FAT3: variants seen among roughly 807,000 people sequenced by gnomAD.
The protein encoded by FAT3 is FAT atypical cadherin 3, also known as protocadherin Fat 3.
FAT3 carries 95 observed loss-of-function variants against 310.2 expected under a neutral mutation model. That is an observed-to-expected ratio of 0.31 (90% CI 0.26 to 0.36). FAT3 has a LOEUF of 0.36. Among genes scored for constraint, FAT3 ranks in the 10% least tolerant of loss-of-function variants. The pLI is 1.00. For synonymous variants in FAT3, 2,314 were observed against 2,192.9 expected (o/e 1.06, Z -1.54); for missense variants, 5,408 against 5,715.6 (o/e 0.95, Z 1.74).
At chr11:92,728,242 T>G (rs937995285) in intron 4 of FAT3, among the ~76,000 whole-genome samples, 1 of 152,214 alleles carries the variant, frequency 6.6e-6, no homozygotes, top group African/African-American at 2.4e-5. Context: ...TTCTGTTTTT[T>G]GTTTGTTTGT....
intron 2 of FAT3, among the ~76,000 whole-genome samples, chr11:92,394,657 CTT>C (rs780947944): frequency 6.0e-5 from 9 of 151,186 alleles, no homozygotes; most frequent in Non-Finnish European, 1.3e-4. Flanking sequence ...AAAAAAAAAA[CTT>C]TATCAAAAAA....
intron 2 of FAT3, among the ~76,000 whole-genome samples, chr11:92,365,163 G>A (rs1312519122): frequency 1.3e-5 from 2 of 152,142 alleles, no homozygotes; most frequent in African/African-American, 4.8e-5. Context: ...CCAGCTACAT[G>A]GGAGGCTGAG....
At chr11:92,483,780 A>G (rs1952300059) in intron 2 of FAT3, among the ~76,000 whole-genome samples, 1 of 152,186 alleles carries the variant, frequency 6.6e-6, no homozygotes, top group Admixed American at 6.5e-5. Context: ...ATCATTGCAT[A>G]GTATCTGGCA....
At chr11:92,636,319 T>C (rs1941767305) in intron 3 of FAT3, among the ~76,000 whole-genome samples, 2 of 152,152 alleles carry the variant, frequency 1.3e-5, no homozygotes, top group African/African-American at 2.4e-5. Context: ...TGATATGTGA[T>C]TGGGCAGGAA....
intron 2 of FAT3, among the ~76,000 whole-genome samples, chr11:92,422,482 C>G (rs1050617589): frequency 1.3e-5 from 2 of 152,132 alleles, no homozygotes; most frequent in Non-Finnish European, 2.9e-5. Flanking sequence ...TTTTCAGTAA[C>G]TGACAGCATC....
intron 23 of FAT3, 23 bp from the exon 24 acceptor site, chr11:92,882,715 G>C (rs2136407258): frequency 6.3e-7 from 1 of 1,575,772 alleles, no homozygotes; most frequent in Non-Finnish European, 8.6e-7. Context: ...TGACGGTGGG[G>C]AGGGGCTTCT....
chr11:92,280,169 G>T (rs1946385357), intron 1 of FAT3, among the ~76,000 whole-genome samples: 1 of 152,128 alleles, frequency 6.6e-6, no homozygotes, highest in Non-Finnish European at 1.5e-5. Context: ...TTAGTGACTT[G>T]CTCAAGAACG....
chr11:92,419,248 G>T (rs1210320357), intron 2 of FAT3, among the ~76,000 whole-genome samples: 1 of 152,152 alleles, frequency 6.6e-6, no homozygotes, highest in African/African-American at 2.4e-5. Context: ...AAAGCTGAAT[G>T]TTTGTGTTGC....
At chr11:92,500,967 TAAAG>T (rs1030670475) in intron 2 of FAT3, among the ~76,000 whole-genome samples, 5 of 152,068 alleles carry the variant, frequency 3.3e-5, no homozygotes, top group African/African-American at 1.2e-4. Flanking sequence ...TTAAATCTGT[TAAAG>T]AAATTTATCA....
At chr11:92,513,964 T>C (rs1953392276) in intron 2 of FAT3, among the ~76,000 whole-genome samples, 1 of 152,182 alleles carries the variant, frequency 6.6e-6, no homozygotes, top group African/African-American at 2.4e-5. Context: ...ATGTGGCATA[T>C]GGGGATATGG....
chr11:92,352,879 T>C lies in FAT3; in HGVS notation c.767T>C (p.Ile256Thr), dbSNP rs1444667403. The C allele has an allele frequency of 1.2e-5, 19 of 1,613,868 alleles. No individual in the cohort carries two copies. The highest frequency in any genetic ancestry group is 1.5e-5 in the Non-Finnish European group (18 of 1,179,858). ...VSSTAKLYVH[I>T]ERINEHAPTI... ...AGTACTGCAAAGCTTTATGTTCACA[T>C]TGAGCGCATAAATGAACATGCCCCA... is the stretch of plus-strand genomic sequence containing the variant. The change falls in exon 2 of 28, where the codon ATT becomes ACT. Residue 256 changes from isoleucine (I) to threonine (T), a missense_variant. Transcript: ENST00000525166.
intron 3 of FAT3, among the ~76,000 whole-genome samples, chr11:92,548,418 G>A (rs1954688432): frequency 1.3e-5 from 2 of 152,278 alleles, no homozygotes; most frequent in Admixed American, 6.5e-5. Context: ...TTAAATACAA[G>A]GACATTCTTA....
At chr11:92,700,213 C>T (rs1385017487) in intron 4 of FAT3, among the ~76,000 whole-genome samples, 1 of 152,058 alleles carries the variant, frequency 6.6e-6, no homozygotes, top group African/African-American at 2.4e-5. Flanking sequence ...GACATGATGC[C>T]AAGACTCTGT....
intron 2 of FAT3, chr11:92,367,190 A>T (rs7129229): frequency 0.21 from 66,926 of 321,610 alleles, 9,642 homozygotes; most frequent in African/African-American, 0.5. Context: ...CCACTGAAGC[A>T]GTTCTCCAGG....
chr11:92,573,944 A>G (rs1472555330), intron 3 of FAT3, among the ~76,000 whole-genome samples: 1 of 152,164 alleles, frequency 6.6e-6, no homozygotes, highest in Non-Finnish European at 1.5e-5. Flanking sequence ...AATAAAGAAA[A>G]TTGAAATCAC....
At chr11:92,296,341 A>T (rs1351411374) in intron 1 of FAT3, among the ~76,000 whole-genome samples, 1 of 152,090 alleles carries the variant, frequency 6.6e-6, no homozygotes, top group Non-Finnish European at 1.5e-5. Flanking sequence ...CTCAGCTTCC[A>T]TCTCTGGGAA....
chr11:92,391,578 G>A (rs1467931059), intron 2 of FAT3, among the ~76,000 whole-genome samples: 1 of 152,130 alleles, frequency 6.6e-6, no homozygotes, highest in Non-Finnish European at 1.5e-5. Context: ...CTGTGGTAAG[G>A]GAGGATCATG....
At chr11:92,391,227 T>C (rs1479749829) in intron 2 of FAT3, among the ~76,000 whole-genome samples, 1 of 152,186 alleles carries the variant, frequency 6.6e-6, no homozygotes, top group Non-Finnish European at 1.5e-5. Context: ...CGATGTTTGA[T>C]AATGCCAGAG....
intron 4 of FAT3, among the ~76,000 whole-genome samples, chr11:92,742,099 G>A (rs1482272575): frequency 1.3e-5 from 2 of 152,178 alleles, no homozygotes; most frequent in African/African-American, 4.8e-5. Flanking sequence ...GGATGATATG[G>A]CATTGTCTTA....
Sources: gnomAD v4.1 joint callset for allele counts (sites outside exome capture counted in the v4.1 genomes callset) on GRCh38, gnomAD v4.1.1 for gene constraint, MANE v1.5 for transcripts, NCBI Gene and HGNC (gene_info 2026-07-23, HGNC 2026-07-21) for gene names.